The following MFSD6 variants were observed in gnomAD, a reference collection of about 807,000 sequenced individuals.
The protein encoded by MFSD6 is major facilitator superfamily domain-containing protein 6.
MFSD6 carries 26 observed loss-of-function variants against 56.3 expected under a neutral mutation model. That is an observed-to-expected ratio of 0.46 (90% CI 0.34 to 0.64). The LOEUF (loss-of-function observed/expected upper bound fraction) is 0.64, where lower values mean the gene tolerates loss of function less well. Ranked by LOEUF, MFSD6 falls within the 30% of genes least tolerant of loss-of-function variation. MFSD6 has a pLI of 0.01. For missense variants in MFSD6, 750 were observed against 986.2 expected (o/e 0.76, Z 3.21); for synonymous variants, 331 against 366.9 (o/e 0.90, Z 1.12).
chr2:190,433,674 C>T lies in MFSD6; in HGVS notation c.-53-2303C>T, dbSNP rs1299995151. Among the ~76,000 whole-genome samples, 1 of 152,106 alleles carries T rather than the reference C, an allele frequency of 6.6e-6. No individual in the cohort carries two copies. Among genetic ancestry groups the T allele is most frequent in the East Asian group, 1.9e-4 (1 of 5,192 alleles). The stretch of plus-strand genomic sequence containing the variant: ...ACATGAACATTTTCAAAGCTTACAG[C>T]TACATTGACATCTGGCTTTTGGGGA... On this transcript the variant is annotated intron_variant, in intron 2 of 7. Coordinates refer to ENST00000392328, the MANE Select transcript of MFSD6 (RefSeq NM_017694.4). This position sits in a 1 kb window ranked among gnomAD's most constrained non-coding sequence, Gnocchi z 4.5.
At chr2:190,480,706 G>A (rs367632295) in intron 4 of MFSD6, among the ~76,000 whole-genome samples, 1 of 152,290 alleles carries the variant, frequency 6.6e-6, no homozygotes, top group East Asian at 1.9e-4. Context: ...TATAAGCTCT[G>A]TGTCTTTGGA....
At position 190,438,231 on chromosome 2, in the gene MFSD6, T is replaced by C. The variant is rs1372676214; in HGVS notation, c.1532+670T>C. ...TTTTAGTTATAAAAAAAAAAATCTA[T>C]AGGCTGGGCACAGTGGCTCACACCT... On this transcript the variant is annotated intron_variant, in intron 3 of 7. Coordinates refer to ENST00000392328, the MANE Select transcript of MFSD6 (RefSeq NM_017694.4). This position sits in a 1 kb window ranked among gnomAD's most constrained non-coding sequence, Gnocchi z 5.2. Among the ~76,000 whole-genome samples the C allele has an allele frequency of 6.6e-6, 1 of 151,010 alleles. No individual in the cohort carries two copies. The highest frequency in any genetic ancestry group is 1.9e-4 in the East Asian group (1 of 5,160).
At position 190,443,935 on chromosome 2, in the gene MFSD6, C is replaced by G. The variant is rs908307462; in HGVS notation, c.1532+6374C>G. Among the ~76,000 whole-genome samples the G allele has an allele frequency of 4.6e-5, 7 of 152,006 alleles. No homozygotes were observed. The highest frequency in any genetic ancestry group is 1.5e-4 in the African/African-American group (6 of 41,376). Reference sequence around the variant, plus strand: ...GGCATGGTGTCACACGCCTGTAGTCCCAGTTACTTGGGAGCCTGAGCTGGG... The same window carrying G: ...GGCATGGTGTCACACGCCTGTAGTCGCAGTTACTTGGGAGCCTGAGCTGGG... On this transcript the variant is annotated intron_variant, in intron 3 of 7. Transcript: ENST00000392328. The surrounding 1 kb of genome is among the most constrained non-coding windows in gnomAD (Gnocchi z 4.2).
chr2:190,474,104 G>T (rs1688129602), intron 4 of MFSD6, among the ~76,000 whole-genome samples: 1 of 152,096 alleles, frequency 6.6e-6, no homozygotes, highest in Non-Finnish European at 1.5e-5. Context: ...ATGCCCACAA[G>T]AGAAAGCAGG....
intron 1 of MFSD6, among the ~76,000 whole-genome samples, chr2:190,414,255 T>C (rs1264185927): frequency 3.3e-5 from 5 of 152,144 alleles, no homozygotes; most frequent in Non-Finnish European, 2.9e-5. Flanking sequence ...CCACATGTCC[T>C]GCACATGTGT....
intron 4 of MFSD6, among the ~76,000 whole-genome samples, chr2:190,475,746 A>G (rs1349290850): frequency 6.6e-6 from 1 of 152,212 alleles, no homozygotes; most frequent in East Asian, 1.9e-4. Context: ...AAGAGCCCGC[A>G]TTGCCAAGTG....
rs2125052516 is a variant in MFSD6, at chr2:190,437,529, T to C, written c.1500T>C (p.Ser500=). The C allele has an allele frequency of 6.2e-7, 1 of 1,614,042 alleles. No homozygotes were observed. Among genetic ancestry groups the C allele is most frequent in the Non-Finnish European group, 8.5e-7 (1 of 1,179,914 alleles). The change falls in exon 3 of 8, where the codon AGT becomes AGC. Residue 500 remains serine (S), a synonymous_variant. Coordinates refer to ENST00000392328, the MANE Select transcript of MFSD6 (RefSeq NM_017694.4). This position sits in a 1 kb window ranked among gnomAD's most constrained non-coding sequence, Gnocchi z 5.9. ...HVSELTAYFF[S]HKLIELIGHI... Reference sequence around the variant, plus strand: ...CTGAGCTGACAGCATATTTTTTTAGTCACAAGCTTATTGAATTGATCGGCC... The same window carrying C: ...CTGAGCTGACAGCATATTTTTTTAGCCACAAGCTTATTGAATTGATCGGCC...
rs929871423 is a variant in MFSD6 at position 190,471,425 on chromosome 2, G to T, written c.1630+1570G>T. 1.3e-5 allele frequency among the ~76,000 whole-genome samples: 2 copies of T among 152,144 alleles called. No individual in the cohort carries two copies. The highest frequency in any genetic ancestry group is 2.9e-5 in the Non-Finnish European group (2 of 68,008). Reference sequence around the variant, plus strand: ...TGCTTTTCCAACAGTCTTAGCAAACGGCACACTAGGAGATTATATCCCGCA... The same window carrying T: ...TGCTTTTCCAACAGTCTTAGCAAACTGCACACTAGGAGATTATATCCCGCA... On this transcript the variant is annotated intron_variant, in intron 4 of 7. Coordinates refer to ENST00000392328, the MANE Select transcript of MFSD6 (RefSeq NM_017694.4). The surrounding 1 kb of genome is among the most constrained non-coding windows in gnomAD (Gnocchi z 4.7).
Position 190,487,853 on chromosome 2 carries a change from T to C in MFSD6, c.1631-804T>C, listed in dbSNP as rs1254583638. Among the ~76,000 whole-genome samples the C allele has an allele frequency of 2.0e-5, 3 of 152,208 alleles. No individual in the cohort carries two copies. Among genetic ancestry groups the C allele is most frequent in the Non-Finnish European group, 2.9e-5 (2 of 68,036 alleles). On this transcript the variant is annotated intron_variant, in intron 4 of 7. Coordinates refer to ENST00000392328, the MANE Select transcript of MFSD6 (RefSeq NM_017694.4). This position sits in a 1 kb window ranked among gnomAD's most constrained non-coding sequence, Gnocchi z 5.5. ...GTAGTTCCTCAAAGTGTTAAACATA[T>C]AGTGACCATATCATCCAACAATTGC...
chr2:190,488,570 G>A lies in MFSD6; in HGVS notation c.1631-87G>A. 1 of 1,163,870 alleles carries A rather than the reference G, an allele frequency of 8.6e-7. No homozygotes were observed. Among genetic ancestry groups the A allele is most frequent in the South Asian group, 2.8e-5 (1 of 36,336 alleles). 72.1% of individuals were successfully genotyped at this position (1,163,870 alleles called of 1,614,324 possible). A position where few individuals can be genotyped will look rare whatever the true frequency, so the allele number is the denominator to read the frequency against. Reference sequence around the variant, plus strand: ...TTCCCACAACAAATCTTAAAAATAGGTGCCTAGTTAAATAATTCACATTTC... The same window carrying A: ...TTCCCACAACAAATCTTAAAAATAGATGCCTAGTTAAATAATTCACATTTC... On this transcript the variant is annotated intron_variant, in intron 4 of 7. Transcript: ENST00000392328. The surrounding 1 kb of genome is among the most constrained non-coding windows in gnomAD (Gnocchi z 6.4).
At position 190,458,424 on chromosome 2, in the gene MFSD6, G is replaced by T. The variant is rs1423038063; in HGVS notation, c.1533-11334G>T. On this transcript the variant is annotated intron_variant, in intron 3 of 7. Transcript: ENST00000392328. The surrounding 1 kb of genome is among the most constrained non-coding windows in gnomAD (Gnocchi z 5.3). ...ACTTGTCTGCAAGCCAACGAGAGGG[G>T]CCCTGGAGAAACCAACATTGCCAAC... Among the ~76,000 whole-genome samples, 1 of 151,882 alleles carries T rather than the reference G, an allele frequency of 6.6e-6. No individual in the cohort carries two copies. Among genetic ancestry groups the T allele is most frequent in the Admixed American group, 6.6e-5 (1 of 15,182 alleles).
intron 2 of MFSD6, among the ~76,000 whole-genome samples, chr2:190,430,207 CTTT>C (rs71027220): frequency 1.5e-5 from 2 of 132,110 alleles, no homozygotes. Flanking sequence ...AGTCCTCATT[CTTT>C]TTTTTTTTTT....
In MFSD6 at chr2:190,498,966, G is replaced by A. The variant is rs1689867734; in HGVS notation, c.2173-1049G>A. On this transcript the variant is annotated intron_variant, in intron 7 of 7. Coordinates refer to ENST00000392328, the MANE Select transcript of MFSD6 (RefSeq NM_017694.4). This position sits in a 1 kb window ranked among gnomAD's most constrained non-coding sequence, Gnocchi z 5.9. ...AGTTCAAGACCAGCCTGGCCAAGAT[G>A]GTGAAACCCCGTCTCTACTAAAAAT... Among the ~76,000 whole-genome samples, 1 of 151,940 alleles carries A rather than the reference G, an allele frequency of 6.6e-6. No homozygotes were observed. Among genetic ancestry groups the A allele is most frequent in the African/African-American group, 2.4e-5 (1 of 41,354 alleles).
In MFSD6 at chr2:190,454,039, C is replaced by G. The variant is rs1157433443; in HGVS notation, c.1533-15719C>G. 3 of 152,126 alleles carry G rather than the reference C, an allele frequency of 2.0e-5. No individual in the cohort carries two copies. The highest frequency in any genetic ancestry group is 2.9e-5 in the Non-Finnish European group (2 of 68,018). 9.4% of individuals were successfully genotyped at this position (152,126 alleles called of 1,614,324 possible). A position where few individuals can be genotyped will look rare whatever the true frequency, so the allele number is the denominator to read the frequency against. On this transcript the variant is annotated intron_variant, in intron 3 of 7. Coordinates refer to ENST00000392328, the MANE Select transcript of MFSD6 (RefSeq NM_017694.4). The surrounding 1 kb of genome is among the most constrained non-coding windows in gnomAD (Gnocchi z 4.6). Reference sequence around the variant, plus strand: ...AATTTCCTAATTAGACTAAATCAGTCCTTGTTTTAGTTTCCTGACCACCAG... The same window carrying G: ...AATTTCCTAATTAGACTAAATCAGTGCTTGTTTTAGTTTCCTGACCACCAG...
chr2:190,489,939 C>T lies in MFSD6; in HGVS notation c.1891+73C>T. ...GGAAGTCAACAAATGCCCCGAGAAG[C>T]CTAGAAGTGGTACAGAGTATACAAC... is the stretch of plus-strand genomic sequence containing the variant. On this transcript the variant is annotated intron_variant, in intron 6 of 7. Transcript: ENST00000392328. The surrounding 1 kb of genome is among the most constrained non-coding windows in gnomAD (Gnocchi z 6.6). The T allele has an allele frequency of 7.7e-7, 1 of 1,298,312 alleles. No individual in the cohort carries two copies. Among genetic ancestry groups the T allele is most frequent in the Non-Finnish European group, 1.1e-6 (1 of 928,922 alleles). The allele number at this position is 1,298,312 out of a possible 1,614,324, so 80.4% of individuals were successfully genotyped here. A position where few individuals can be genotyped will look rare whatever the true frequency, so the allele number is the denominator to read the frequency against.
At position 190,436,661 on chromosome 2, in the gene MFSD6, C is replaced by T. The variant is rs756697852; in HGVS notation, c.632C>T (p.Thr211Ile). The T allele has an allele frequency of 6.2e-6, 10 of 1,614,202 alleles. No homozygotes were observed. The highest frequency in any genetic ancestry group is 8.5e-6 in the Non-Finnish European group (10 of 1,180,050). ...GAAACAAGGCTCAATGTCTCAGACA[C>T]CGTTACTTTGCCAACAGCTCCAAAC... ...LLETRLNVSD[T>I]VTLPTAPNMN... The change falls in exon 3 of 8, where the codon ACC (threonine) becomes ATC (isoleucine). Residue 211 changes from threonine to isoleucine, a missense_variant. Physicochemically the swap from Thr to Ile is moderately conservative, Grantham distance 89. This residue lies in a region of MFSD6 where 376 missense variants were observed against 437.9 expected (regional missense o/e 0.86). Coordinates refer to ENST00000392328, the MANE Select transcript of MFSD6 (RefSeq NM_017694.4). The surrounding 1 kb of genome is among the most constrained non-coding windows in gnomAD (Gnocchi z 5.3).
chr2:190,482,172 G>A (rs749690314), intron 4 of MFSD6, among the ~76,000 whole-genome samples: 15 of 152,214 alleles, frequency 9.9e-5, no homozygotes, highest in Non-Finnish European at 2.2e-4. Flanking sequence ...GCAGATGGCA[G>A]ATTCTCTGTA....
rs1057438223 is a variant in MFSD6 at position 190,461,641 on chromosome 2, C to T, written c.1533-8117C>T. Among the ~76,000 whole-genome samples the T allele has an allele frequency of 3.3e-4, 51 of 152,248 alleles. No individual in the cohort carries two copies. The highest frequency in any genetic ancestry group is 1.1e-3 in the African/African-American group (46 of 41,532). Reference sequence around the variant, plus strand: ...GATAGCACCTTGAATGCTGTGTTCTCTCATGGCAGAAGGCAGAAGGGCAAA... The same window carrying T: ...GATAGCACCTTGAATGCTGTGTTCTTTCATGGCAGAAGGCAGAAGGGCAAA... On this transcript the variant is annotated intron_variant, in intron 3 of 7. Coordinates refer to ENST00000392328, the MANE Select transcript of MFSD6 (RefSeq NM_017694.4). The surrounding 1 kb of genome is among the most constrained non-coding windows in gnomAD (Gnocchi z 5.5).
At position 190,459,348 on chromosome 2, in the gene MFSD6, A is replaced by ACT. The variant is rs1211965574; in HGVS notation, c.1533-10407_1533-10406dup. Among the ~76,000 whole-genome samples, 7 of 152,088 alleles carry ACT rather than the reference A, an allele frequency of 4.6e-5. No homozygotes were observed. The highest frequency in any genetic ancestry group is 3.3e-4 in the Admixed American group (5 of 15,258). ...CAAATTTAGCTTAGGGTCAAGTAAA[A>ACT]CTCTTGAGGCCTTTTTAAAATTAAC... On this transcript the variant is annotated intron_variant, in intron 3 of 7. Transcript: ENST00000392328. This position sits in a 1 kb window ranked among gnomAD's most constrained non-coding sequence, Gnocchi z 5.3.
Sources: allele counts gnomAD v4.1 joint callset (sites outside exome capture counted in the v4.1 genomes callset), GRCh38; gene constraint gnomAD v4.1.1; regional missense constraint gnomAD v4.1.1; non-coding constraint Gnocchi (gnomAD v3.1); transcripts MANE v1.5; gene names NCBI Gene and HGNC (gene_info 2026-07-23, HGNC 2026-07-21).